CD96: variants seen among roughly 807,000 people sequenced by gnomAD.
The protein encoded by CD96 is T-cell surface protein tactile.
A neutral mutation model predicts 71.3 loss-of-function variants in CD96; 70 were observed. The ratio of observed to expected loss-of-function variants is 0.98; its 90% CI spans 0.81 to 1.20. The LOEUF (loss-of-function observed/expected upper bound fraction) is 1.20. Ranked by LOEUF, CD96 falls within the 50% of genes most tolerant of loss-of-function variation. CD96 has a pLI of 0.00. For synonymous variants in CD96, 248 were observed against 233.0 expected, an observed-to-expected ratio of 1.06 and a Z score of -0.59; for missense variants, 742 against 677.5, an observed-to-expected ratio of 1.10 and a Z score of -1.06.
chr3:111,552,006 T>A (rs1934732205), intron 2 of CD96, among the ~76,000 whole-genome samples: 1 of 152,198 alleles, frequency 6.6e-6, no homozygotes, highest in East Asian at 1.9e-4. Context: ...TGGTGCAAGA[T>A]GATATCTCCT....
chr3:111,637,232 C>A lies in CD96; in HGVS notation c.1358C>A (p.Ser453Tyr). 6.3e-7 allele frequency: 1 copy of A among 1,592,454 alleles called. No individual in the cohort carries two copies. The highest frequency in any genetic ancestry group is 8.6e-7 in the Non-Finnish European group (1 of 1,160,276). Reference sequence around the variant, plus strand: ...ATACCTAGTGAAACATACAGTTCATCCCCGTCAGGTGCAGGCTCAACACTT... The same window carrying A: ...ATACCTAGTGAAACATACAGTTCATACCCGTCAGGTGCAGGCTCAACACTT... ...SRIPSETYSS[S>Y]PSGAGSTLHD... The change falls in exon 11 of 14, where the codon TCC becomes TAC. Residue 453 changes from serine (S) to tyrosine (Y), a missense_variant. Coordinates refer to ENST00000352690, the MANE Select transcript of CD96 (RefSeq NM_005816.5).
At chr3:111,552,203 G>A (rs938727413) in intron 2 of CD96, among the ~76,000 whole-genome samples, 2 of 151,658 alleles carry the variant, frequency 1.3e-5, no homozygotes, top group African/African-American at 2.4e-5. Context: ...TAGACCCCAG[G>A]CCCTTTAAGA....
chr3:111,615,982 CTCA>C (rs1303645823), intron 8 of CD96, among the ~76,000 whole-genome samples: 1 of 152,122 alleles, frequency 6.6e-6, no homozygotes, highest in Non-Finnish European at 1.5e-5. Flanking sequence ...GGATCACACC[CTCA>C]TCTTCTCGAA....
At chr3:111,654,196 G>A (rs1459286694), downstream of CD96, among the ~76,000 whole-genome samples, 1 of 152,182 alleles carries the variant, frequency 6.6e-6, no homozygotes, top group Non-Finnish European at 1.5e-5. Flanking sequence ...AATCATGGCT[G>A]TGTCAACCAG....
At chr3:111,587,842 T>A (rs1014034836) in intron 5 of CD96, among the ~76,000 whole-genome samples, 3 of 152,244 alleles carry the variant, frequency 2.0e-5, no homozygotes, top group African/African-American at 7.2e-5. Context: ...CTTGGCCCCT[T>A]TCAGTTATGG....
rs1016970814 is a variant in CD96 at position 111,587,873 on chromosome 3, G to A, written c.807+2495G>A. 5.3e-5 allele frequency among the ~76,000 whole-genome samples: 8 copies of A among 152,148 alleles called. 1 individual carries two copies. The highest frequency in any genetic ancestry group is 5.9e-5 in the Non-Finnish European group (4 of 68,026). The stretch of plus-strand genomic sequence containing the variant: ...TATGGCTGGAGTGGCTAGGACACAG[G>A]GCACCAAGTCCCAAGACTGCGCACA... On this transcript the variant is annotated intron_variant, in intron 5 of 13. Coordinates refer to ENST00000352690, the MANE Select transcript of CD96 (RefSeq NM_005816.5).
intron 4 of CD96, among the ~76,000 whole-genome samples, chr3:111,582,665 C>G (rs1196802725): frequency 1.3e-5 from 2 of 152,162 alleles, no homozygotes; most frequent in South Asian, 2.1e-4. Flanking sequence ...GGGGAGGCCT[C>G]AGAATCATGG....
At chr3:111,655,090 T>A (rs1021601310), downstream of CD96, among the ~76,000 whole-genome samples, 1 of 152,264 alleles carries the variant, frequency 6.6e-6, no homozygotes, top group Non-Finnish European at 1.5e-5. Flanking sequence ...TGGTTTGAGA[T>A]AAGCCTAATT....
In CD96 at chr3:111,612,637, A is replaced by G. The variant is rs560571437; in HGVS notation, c.1180+5845A>G. Among the ~76,000 whole-genome samples, 9 of 152,368 alleles carry G rather than the reference A, an allele frequency of 5.9e-5. No homozygotes were observed. The South Asian group carries it at 1.7e-3, about 28-fold the overall frequency. On this transcript the variant is annotated intron_variant, in intron 8 of 13. Coordinates refer to ENST00000352690, the MANE Select transcript of CD96 (RefSeq NM_005816.5). ...ACTCACCCAAAGTCATGCAGAAAGT[A>G]GATGAGCCAGTATTGAGCCCAGACA...
intron 1 of CD96, 102 bp downstream of exon 1, chr3:111,542,411 A>ACCACTGCTGAAATTGATCC: frequency 1.2e-6 from 1 of 824,236 alleles, no homozygotes; most frequent in Non-Finnish European, 2.2e-6. Context: ...GAAATTGATC[A>ACCACTGCTGAAATTGATCC]CCAAAGGACA....
exon 15 of CD96, chr3:111,665,612 G>A (rs961215157): frequency 6.6e-6 from 1 of 152,146 alleles, no homozygotes; most frequent in African/African-American, 2.4e-5. Context: ...CAAAACTCCA[G>A]AGCAAACTTA....
chr3:111,544,016 G>C lies in CD96; in HGVS notation c.62-1030G>C, dbSNP rs183539019. ...CCTGAATTAAATAAAGTTCTCTTTG[G>C]TCTCTAAAGGTCTCTTTGTCTTCCT... On this transcript the variant is annotated intron_variant, in intron 1 of 13. Coordinates refer to ENST00000352690, the MANE Select transcript of CD96 (RefSeq NM_005816.5). Among the ~76,000 whole-genome samples, 15 of 152,268 alleles carry C rather than the reference G, an allele frequency of 9.9e-5. No homozygotes were observed. The East Asian group carries it at 2.9e-3, about 29-fold the overall frequency.
At chr3:111,564,504 G>A (rs991269314) in intron 2 of CD96, among the ~76,000 whole-genome samples, 3 of 151,802 alleles carry the variant, frequency 2.0e-5, no homozygotes, top group Admixed American at 6.6e-5. Context: ...CTCGAATTTC[G>A]TTACCTATGT....
At chr3:111,636,230 T>C (rs927433116) in intron 10 of CD96, among the ~76,000 whole-genome samples, 2 of 152,208 alleles carry the variant, frequency 1.3e-5, no homozygotes, top group Non-Finnish European at 2.9e-5. Flanking sequence ...CTCTTACCTC[T>C]TCTGGAGGGC....
At chr3:111,620,178 A>G (rs1938451851) in intron 8 of CD96, among the ~76,000 whole-genome samples, 1 of 152,124 alleles carries the variant, frequency 6.6e-6, no homozygotes, top group Non-Finnish European at 1.5e-5. Flanking sequence ...TGGGATTCTG[A>G]CTGGGCTACC....
chr3:111,637,063 A>T (rs955440240), intron 10 of CD96, 133 bp from the exon 11 acceptor site: 2 of 693,814 alleles, frequency 2.9e-6, no homozygotes, highest in African/African-American at 3.5e-5. Context: ...TGTGTATGCT[A>T]TGGAACAGTT....
At chr3:111,618,054 G>T (rs1269524091) in intron 8 of CD96, among the ~76,000 whole-genome samples, 1 of 152,238 alleles carries the variant, frequency 6.6e-6, no homozygotes. Flanking sequence ...ACCCATGCTG[G>T]AGCCTGGAGA....
intron 2 of CD96, among the ~76,000 whole-genome samples, chr3:111,548,757 A>G (rs1196673980): frequency 1.3e-5 from 2 of 152,184 alleles, no homozygotes; most frequent in African/African-American, 4.8e-5. Context: ...TAGTAATAGT[A>G]GCAATAAAAT....
At chr3:111,586,456 T>C (rs1447949608) in intron 5 of CD96, among the ~76,000 whole-genome samples, 1 of 152,240 alleles carries the variant, frequency 6.6e-6, no homozygotes, top group Non-Finnish European at 1.5e-5. Context: ...CAAGTAGTTG[T>C]GTCTTTTGCC....
Sources: allele counts gnomAD v4.1 joint callset (sites outside exome capture counted in the v4.1 genomes callset), GRCh38; gene constraint gnomAD v4.1.1; transcripts MANE v1.5; gene names NCBI Gene and HGNC (gene_info 2026-07-23, HGNC 2026-07-21).